The following ZNF423 variants were observed in gnomAD, a reference collection of about 807,000 sequenced individuals.
The protein encoded by ZNF423 is Ebf-associated zinc finger protein.
Under a neutral mutation model 95.8 loss-of-function variants are expected in ZNF423, and 12 were observed. The ratio of observed to expected loss-of-function variants is 0.13; its 90% CI spans 0.08 to 0.20. The LOEUF (loss-of-function observed/expected upper bound fraction) is 0.20, where lower values mean the gene tolerates loss of function less well. Among genes scored for constraint, ZNF423 ranks in the 10% least tolerant of loss-of-function variants. ZNF423 has a pLI of 1.00. For missense variants in ZNF423, 1,316 were observed against 1,737.1 expected, an observed-to-expected ratio of 0.76 and a Z score of 4.31; for synonymous variants, 749 against 711.9, an observed-to-expected ratio of 1.05 and a Z score of -0.83.
chr16:49,662,103 C>G lies in ZNF423; in HGVS notation c.302-23229G>C, dbSNP rs576032398. On this transcript the variant is annotated intron_variant, in intron 3 of 7. Coordinates refer to ENST00000563137, the MANE Select transcript of ZNF423 (RefSeq NM_001379286.1). ...TGAGACCCCCGCCCTTGGGGAACTC[C>G]ACCCCCACTCCCAGGTTACCCTTCT... 3.9e-5 allele frequency among the ~76,000 whole-genome samples: 6 copies of G among 152,308 alleles called. No homozygotes were observed. The East Asian group carries it at 1.2e-3, about 29-fold the overall frequency.
At chr16:49,542,714 G>A (rs1050834064) in intron 5 of ZNF423, among the ~76,000 whole-genome samples, 5 of 152,194 alleles carry the variant, frequency 3.3e-5, no homozygotes, top group African/African-American at 1.2e-4. Flanking sequence ...CTGGGCCCCA[G>A]CCCACCCTGG....
intron 5 of ZNF423, among the ~76,000 whole-genome samples, chr16:49,614,910 C>T (rs1485095865): frequency 6.6e-6 from 1 of 152,170 alleles, no homozygotes; most frequent in Non-Finnish European, 1.5e-5. Flanking sequence ...GCGGGTGTAT[C>T]ACCTGAGGTC....
chr16:49,751,118 A>G (rs961994478), intron 2 of ZNF423, among the ~76,000 whole-genome samples: 8 of 152,186 alleles, frequency 5.3e-5, no homozygotes, highest in East Asian at 3.8e-4. Flanking sequence ...CAAGGCACAC[A>G]TGGGAACTCC....
At chr16:49,694,019 G>T (rs913949158) in intron 3 of ZNF423, among the ~76,000 whole-genome samples, 7 of 152,218 alleles carry the variant, frequency 4.6e-5, no homozygotes, top group African/African-American at 1.7e-4. Flanking sequence ...CAGTGTCAAT[G>T]CCAAGGCTAG....
chr16:49,804,669 G>C (rs2034633881), intron 1 of ZNF423, among the ~76,000 whole-genome samples: 1 of 152,170 alleles, frequency 6.6e-6, no homozygotes, highest in African/African-American at 2.4e-5. Flanking sequence ...ACTGAAGTTA[G>C]TTCTCACCTG....
At chr16:49,857,010 C>A (rs1181306946), upstream of ZNF423, among the ~76,000 whole-genome samples, 2 of 149,014 alleles carry the variant, frequency 1.3e-5, no homozygotes, top group Non-Finnish European at 3.0e-5. The surrounding 1 kb of genome is among the most constrained non-coding windows in gnomAD (Gnocchi z 6.2). Context: ...GGCGCCGGCC[C>A]GCCCGCCAGC....
At chr16:49,523,825 G>A (rs1968500571) in intron 6 of ZNF423, 86 bp from the exon 7 acceptor site, 11 of 1,086,648 alleles carry the variant, frequency 1.0e-5, no homozygotes, top group Non-Finnish European at 1.5e-5. Context: ...CTCGCAGGCA[G>A]GGATCACTGT....
At chr16:49,690,087 T>A (rs1488514756) in intron 3 of ZNF423, among the ~76,000 whole-genome samples, 1 of 152,126 alleles carries the variant, frequency 6.6e-6, no homozygotes, top group Non-Finnish European at 1.5e-5. Flanking sequence ...AGAACCACCA[T>A]CTACTAAGTG....
At chr16:49,842,973 G>A (rs1483411495) in intron 1 of ZNF423, among the ~76,000 whole-genome samples, 19 of 130,088 alleles carry the variant, frequency 1.5e-4, no homozygotes, top group South Asian at 1.0e-3. Context: ...GCAAGACTCC[G>A]TCTCAAAAAA....
At chr16:49,564,662 C>T (rs1271302434) in intron 5 of ZNF423, among the ~76,000 whole-genome samples, 1 of 152,202 alleles carries the variant, frequency 6.6e-6, no homozygotes, top group African/African-American at 2.4e-5. Context: ...GCCAGGGGGG[C>T]CTGAGCATGG....
chr16:49,745,553 G>C (rs543338802), intron 2 of ZNF423, among the ~76,000 whole-genome samples: 70 of 152,322 alleles, frequency 4.6e-4, no homozygotes, highest in African/African-American at 1.6e-3. Flanking sequence ...TTACCTTGAA[G>C]CCCAGCAAAC....
intron 5 of ZNF423, among the ~76,000 whole-genome samples, chr16:49,532,318 C>T (rs1053432408): frequency 6.6e-6 from 1 of 152,196 alleles, no homozygotes; most frequent in Admixed American, 6.5e-5. Flanking sequence ...CTCCACCCTT[C>T]GGTGTCCTCC....
chr16:49,730,736 C>T (rs750871781), intron 3 of ZNF423, 35 bp downstream of exon 3: 5 of 1,612,238 alleles, frequency 3.1e-6, no homozygotes, highest in Non-Finnish European at 1.7e-6. Flanking sequence ...ACCCGTGTAA[C>T]CACCTGTCAG....
At chr16:49,718,735 C>G (rs1049457007) in intron 3 of ZNF423, among the ~76,000 whole-genome samples, 3 of 152,160 alleles carry the variant, frequency 2.0e-5, no homozygotes, top group Non-Finnish European at 4.4e-5. Context: ...AGTCTTGCTG[C>G]GTCCTCACAT....
At chr16:49,805,288 G>A (rs1042003665) in intron 1 of ZNF423, among the ~76,000 whole-genome samples, 1 of 152,136 alleles carries the variant, frequency 6.6e-6, no homozygotes. Flanking sequence ...AGAGACACTA[G>A]AGACAACCAT....
chr16:49,742,128 A>T (rs1016017010), intron 2 of ZNF423, among the ~76,000 whole-genome samples: 1 of 152,352 alleles, frequency 6.6e-6, no homozygotes, highest in African/African-American at 2.4e-5. Flanking sequence ...GGACAGGCTG[A>T]CATTTGGTCA....
intron 1 of ZNF423, among the ~76,000 whole-genome samples, chr16:49,846,795 C>A (rs972175273): frequency 1.3e-5 from 2 of 152,318 alleles, no homozygotes; most frequent in Admixed American, 1.3e-4. Context: ...GGGTGAGGGA[C>A]AAAGCCATAT....
intron 5 of ZNF423, among the ~76,000 whole-genome samples, chr16:49,590,050 A>G (rs117743543): frequency 0.015 from 1,693 of 115,184 alleles, 40 homozygotes; most frequent in East Asian, 0.036. Flanking sequence ...ATATATATAT[A>G]TTTGGTCCAT....
chr16:49,719,008 T>C (rs2032788425), intron 3 of ZNF423, among the ~76,000 whole-genome samples: 1 of 152,242 alleles, frequency 6.6e-6, no homozygotes, highest in African/African-American at 2.4e-5. Flanking sequence ...CTGGAGGCTA[T>C]TCCTATCCTC....
Sources: allele counts gnomAD v4.1 joint callset (sites outside exome capture counted in the v4.1 genomes callset), GRCh38; gene constraint gnomAD v4.1.1; non-coding constraint Gnocchi (gnomAD v3.1); transcripts MANE v1.5; gene names NCBI Gene and HGNC (gene_info 2026-07-23, HGNC 2026-07-21).